MINDY2: variants seen among roughly 807,000 people sequenced by gnomAD.
MINDY2 encodes ubiquitin carboxyl-terminal hydrolase MINDY-2.
Under a neutral mutation model 68.2 loss-of-function variants are expected in MINDY2, and 52 were observed. That is an observed-to-expected ratio of 0.76 (90% CI 0.61 to 0.96). MINDY2 has a LOEUF of 0.96. Among genes scored for constraint, MINDY2 ranks in the 40% least tolerant of loss-of-function variants. The probability of loss-of-function intolerance (pLI) is 0.00; values close to 1 mark genes in which losing one functional copy is unlikely to be tolerated. For synonymous variants in MINDY2, 372 were observed against 303.0 expected, an observed-to-expected ratio of 1.23 and a Z score of -2.36; for missense variants, 881 against 773.4, an observed-to-expected ratio of 1.14 and a Z score of -1.65.
At chr15:58,805,734 C>A (rs1902963527) in intron 3 of MINDY2, among the ~76,000 whole-genome samples, 1 of 151,478 alleles carries the variant, frequency 6.6e-6, no homozygotes, top group Non-Finnish European at 1.5e-5. Flanking sequence ...GAGTTTAAAA[C>A]CCTTTTAAAA....
At chr15:58,775,086 C>G (rs138093111) in intron 1 of MINDY2, among the ~76,000 whole-genome samples, 1 of 152,124 alleles carries the variant, frequency 6.6e-6, no homozygotes, top group African/African-American at 2.4e-5. Context: ...TATGATAATA[C>G]TAAGATGTTA....
chr15:58,786,931 G>A (rs1245466010), intron 1 of MINDY2, among the ~76,000 whole-genome samples: 16 of 152,284 alleles, frequency 1.1e-4, no homozygotes, highest in African/African-American at 3.8e-4. Context: ...CCGGGTCCAA[G>A]TGATTCTTCT....
At chr15:58,781,406 T>C (rs1901133407) in intron 1 of MINDY2, among the ~76,000 whole-genome samples, 1 of 152,206 alleles carries the variant, frequency 6.6e-6, no homozygotes, top group Non-Finnish European at 1.5e-5. Context: ...TTTATTGCTC[T>C]AAAACACTTT....
At chr15:58,806,611 G>T (rs1903028213) in intron 3 of MINDY2, among the ~76,000 whole-genome samples, 1 of 151,998 alleles carries the variant, frequency 6.6e-6, no homozygotes, top group Non-Finnish European at 1.5e-5. Context: ...AATAATTGTA[G>T]CAAATATATG....
intron 2 of MINDY2, among the ~76,000 whole-genome samples, chr15:58,798,629 T>C (rs1902441880): frequency 6.6e-6 from 1 of 151,970 alleles, no homozygotes; most frequent in African/African-American, 2.4e-5. Context: ...CTAATTTTTG[T>C]ATTTTTAGTA....
At chr15:58,803,439 G>A (rs1460021659) in intron 3 of MINDY2, among the ~76,000 whole-genome samples, 2 of 150,960 alleles carry the variant, frequency 1.3e-5, no homozygotes, top group African/African-American at 4.9e-5. Flanking sequence ...CTATGATCCA[G>A]GCTGGTGACA....
chr15:58,816,173 CT>C (rs1272758964), intron 4 of MINDY2, among the ~76,000 whole-genome samples: 2 of 151,968 alleles, frequency 1.3e-5, no homozygotes, highest in Non-Finnish European at 2.9e-5. Flanking sequence ...CTTGGCAGTG[CT>C]TTTTTTTCAT....
chr15:58,771,600 C>A lies in MINDY2; in HGVS notation c.205C>A (p.Pro69Thr). 6.2e-7 allele frequency: 1 copy of A among 1,611,894 alleles called. No individual in the cohort carries two copies. Among genetic ancestry groups the A allele is most frequent in the Non-Finnish European group, 8.5e-7 (1 of 1,179,728 alleles). Residue 69 changes from proline to threonine, a missense_variant, in exon 1 of 9, where the codon CCC (proline) becomes ACC (threonine). Pro to Thr is a conservative substitution (Grantham distance 38). Coordinates refer to ENST00000559228, the MANE Select transcript of MINDY2 (RefSeq NM_001040450.3). ...ARRSLPDSAS[P>T]AGSPEVPGPC... ...GAGGAGCCTCCCGGACTCGGCTTCT[C>A]CCGCGGGCTCTCCTGAGGTTCCCGG...
At chr15:58,840,202 CT>C (rs2032207643) in intron 6 of MINDY2, among the ~76,000 whole-genome samples, 1 of 152,266 alleles carries the variant, frequency 6.6e-6, no homozygotes, top group East Asian at 1.9e-4. Flanking sequence ...TGTAATCAAA[CT>C]GATCCATTTT....
In MINDY2 at chr15:58,852,972, A is replaced by ATTTTTTTTTTTTTTTTT. The variant is rs1567079858; in HGVS notation, c.1737+1007_1737+1008insTTTTTTTTTTTTTTTTT. ...TTTTTTTTTTTTTTTTTTTTTTTTAAGACAGAGTCTCACTCTGTTGCCCAG... is the reference window on the plus strand; with the variant it reads ...TTTTTTTTTTTTTTTTTTTTTTTTAATTTTTTTTTTTTTTTTTGACAGAGTCTCACTCTGTTGCCCAG... On this transcript the variant is annotated intron_variant, in intron 8 of 8. Transcript: ENST00000559228. Among the ~76,000 whole-genome samples, 31 of 17,268 alleles carry ATTTTTTTTTTTTTTTTT rather than the reference A, an allele frequency of 1.8e-3. 8 individuals are homozygous for ATTTTTTTTTTTTTTTTT. The highest frequency in any genetic ancestry group is 2.8e-3 in the Non-Finnish European group (17 of 6,080). The allele number at this position is 17,268 out of a possible 152,430, so 11.3% of individuals were successfully genotyped here. A position where few individuals can be genotyped will look rare whatever the true frequency, so the allele number is the denominator to read the frequency against.
chr15:58,813,386 T>C (rs879309407), intron 4 of MINDY2, among the ~76,000 whole-genome samples: 9 of 152,128 alleles, frequency 5.9e-5, no homozygotes, highest in African/African-American at 1.4e-4. Context: ...TCCCAGCTAC[T>C]TGGGGAGGCT....
At chr15:58,822,270 A>C (rs1340437966) in intron 5 of MINDY2, among the ~76,000 whole-genome samples, 2 of 151,912 alleles carry the variant, frequency 1.3e-5, no homozygotes, top group African/African-American at 4.8e-5. Flanking sequence ...AAAAAAGAAG[A>C]AGAAGTAATC....
At chr15:58,812,081 C>T (rs1277354851) in intron 4 of MINDY2, among the ~76,000 whole-genome samples, 1 of 151,990 alleles carries the variant, frequency 6.6e-6, no homozygotes, top group Non-Finnish European at 1.5e-5. Context: ...GAGAATTTAC[C>T]TTTTTTATAA....
chr15:58,804,136 G>A (rs1280095150), intron 3 of MINDY2, among the ~76,000 whole-genome samples: 2 of 151,188 alleles, frequency 1.3e-5, no homozygotes, highest in Non-Finnish European at 2.9e-5. Flanking sequence ...AGGAGGAGAA[G>A]GAAAAGAAAG....
intron 5 of MINDY2, among the ~76,000 whole-genome samples, chr15:58,827,272 C>T (rs1413060754): frequency 2.6e-5 from 4 of 152,086 alleles, no homozygotes; most frequent in Admixed American, 6.5e-5. Context: ...ATATGCTATT[C>T]GTTAATAATC....
At position 58,801,536 on chromosome 15, in the gene MINDY2, C is replaced by A. The variant is rs1249196330; in HGVS notation, c.899-777C>A. ...TGATCCATATTTTTAAAAGGTACTACATATATTTAAAAGTTGCCACATATA... is the reference window on the plus strand; with the variant it reads ...TGATCCATATTTTTAAAAGGTACTAAATATATTTAAAAGTTGCCACATATA... On this transcript the variant is annotated intron_variant, in intron 2 of 8. Transcript: ENST00000559228. 2.0e-5 allele frequency among the ~76,000 whole-genome samples: 3 copies of A among 151,830 alleles called. No homozygotes were observed. The East Asian group carries it at 5.8e-4, about 29-fold the overall frequency.
chr15:58,802,484 A>C, intron 3 of MINDY2, 107 bp downstream of exon 3: 1 of 635,116 alleles, frequency 1.6e-6, no homozygotes, highest in Non-Finnish European at 2.6e-6. Context: ...GATAGTAAAC[A>C]CTTTAGACTT....
In MINDY2 at chr15:58,822,104, A is replaced by G. The variant is rs143827884; in HGVS notation, c.1225+285A>G. 2.3e-4 allele frequency among the ~76,000 whole-genome samples: 35 copies of G among 152,116 alleles called. No individual in the cohort carries two copies. The East Asian group carries it at 6.6e-3, about 29-fold the overall frequency. On this transcript the variant is annotated intron_variant, in intron 5 of 8. Coordinates refer to ENST00000559228, the MANE Select transcript of MINDY2 (RefSeq NM_001040450.3). ...GTGTCTACTAAAAATACAACAAAAAATTAGTTGGCCATGGTGTTGCATGCC... is the reference window on the plus strand; with the variant it reads ...GTGTCTACTAAAAATACAACAAAAAGTTAGTTGGCCATGGTGTTGCATGCC...
intron 5 of MINDY2, 51 bp from the exon 6 acceptor site, chr15:58,831,721 CTT>C: frequency 6.6e-7 from 1 of 1,516,086 alleles, no homozygotes; most frequent in Non-Finnish European, 8.9e-7. Flanking sequence ...AAAAGAATAA[CTT>C]TTTGATTTTG....
Sources: gnomAD v4.1 joint callset for allele counts (sites outside exome capture counted in the v4.1 genomes callset) on GRCh38, gnomAD v4.1.1 for gene constraint, MANE v1.5 for transcripts, NCBI Gene and HGNC (gene_info 2026-07-23, HGNC 2026-07-21) for gene names.